Variants in TCEA1 observed in about 807,000 individuals in gnomAD.
The protein encoded by TCEA1 is transcription elongation factor A1.
Under a neutral mutation model 43.8 loss-of-function variants are expected in TCEA1, and 21 were observed. That is an observed-to-expected ratio of 0.48 (90% CI 0.34 to 0.69). TCEA1 has a LOEUF of 0.69. Ranked by LOEUF, TCEA1 falls within the 30% of genes least tolerant of loss-of-function variation. The probability of loss-of-function intolerance (pLI) is 0.01; values close to 1 mark genes in which losing one functional copy is unlikely to be tolerated. For missense variants in TCEA1, 250 were observed against 365.1 expected (o/e 0.68, Z 2.57); for synonymous variants, 104 against 117.5 (o/e 0.88, Z 0.75).
rs1336073776 is a variant in TCEA1, at chr8:53,967,659, C to A, written c.*445G>T. 4.9e-6 allele frequency: 1 copy of A among 205,674 alleles called. No homozygotes were observed. The highest frequency in any genetic ancestry group is 5.9e-5 in the Admixed American group (1 of 16,844). The allele number at this position is 205,674 out of a possible 1,614,324, so 12.7% of individuals were successfully genotyped here. On this transcript the variant is annotated 3_prime_UTR_variant, in exon 10 of 10. Transcript: ENST00000521604. ...TTGAATACACACCATATTTGGTAAACCTAAAATTATATTACCTTTTCTCCT... is the reference window on the plus strand; with the variant it reads ...TTGAATACACACCATATTTGGTAAAACTAAAATTATATTACCTTTTCTCCT...
intron 1 of TCEA1, among the ~76,000 whole-genome samples, chr8:54,014,317 T>C (rs752458714): frequency 5.9e-5 from 9 of 152,044 alleles, no homozygotes; most frequent in Non-Finnish European, 1.3e-4. Context: ...TAGCTCTAAA[T>C]GTCAAGCCTA....
intron 2 of TCEA1, among the ~76,000 whole-genome samples, chr8:54,007,894 T>G (rs998914162): frequency 1.4e-4 from 21 of 152,312 alleles, no homozygotes; most frequent in African/African-American, 4.1e-4. Flanking sequence ...TATTTCATTC[T>G]TGATGGAACA....
At chr8:54,007,647 TGAAA>T (rs910457703) in intron 2 of TCEA1, among the ~76,000 whole-genome samples, 67 of 152,368 alleles carry the variant, frequency 4.4e-4, no homozygotes, top group Admixed American at 4.3e-3. Context: ...TTTTCACAAC[TGAAA>T]GAAATATTCA....
chr8:53,991,822 T>C (rs536560637), intron 4 of TCEA1, among the ~76,000 whole-genome samples: 2 of 151,556 alleles, frequency 1.3e-5, no homozygotes, highest in South Asian at 4.1e-4. Flanking sequence ...TATTAACAAC[T>C]GCTGTTTAAG....
At chr8:53,976,604 T>C (rs1476281665) in intron 8 of TCEA1, among the ~76,000 whole-genome samples, 1 of 152,224 alleles carries the variant, frequency 6.6e-6, no homozygotes, top group Non-Finnish European at 1.5e-5. Context: ...AAACTTGGTA[T>C]TTATGTTTTT....
At chr8:53,984,805 C>T (rs1803636730) in intron 6 of TCEA1, among the ~76,000 whole-genome samples, 1 of 151,990 alleles carries the variant, frequency 6.6e-6, no homozygotes, top group Admixed American at 6.6e-5. Flanking sequence ...ACCACTTGAC[C>T]TGGGAGGCAG....
At chr8:54,011,134 AG>A in intron 1 of TCEA1, among the ~76,000 whole-genome samples, 1 of 152,210 alleles carries the variant, frequency 6.6e-6, no homozygotes, top group East Asian at 1.9e-4. Flanking sequence ...GCTTATTGAA[AG>A]AATTATTTTA....
intron 4 of TCEA1, among the ~76,000 whole-genome samples, chr8:53,989,574 A>C (rs1207683174): frequency 1.3e-5 from 2 of 152,156 alleles, no homozygotes; most frequent in African/African-American, 4.8e-5. Flanking sequence ...TGTATTCCCA[A>C]AATATTGATT....
At chr8:54,004,837 G>A (rs567462784) in intron 2 of TCEA1, among the ~76,000 whole-genome samples, 1 of 151,104 alleles carries the variant, frequency 6.6e-6, no homozygotes, top group African/African-American at 2.4e-5. Flanking sequence ...TAAGTTCCAA[G>A]ACAGCAGGGA....
chr8:53,968,188 A>C, intron 9 of TCEA1, 76 bp from the exon 10 acceptor site: 1 of 1,110,992 alleles, frequency 9.0e-7, no homozygotes, highest in Non-Finnish European at 1.3e-6. Context: ...TACAGCATAC[A>C]CCTGATATTG....
At chr8:54,010,743 G>C (rs951136568) in intron 1 of TCEA1, among the ~76,000 whole-genome samples, 1 of 151,734 alleles carries the variant, frequency 6.6e-6, no homozygotes, top group Non-Finnish European at 1.5e-5. Flanking sequence ...TACTATATCT[G>C]GATAAATCAT....
At chr8:53,977,303 G>T (rs1054670088) in intron 8 of TCEA1, among the ~76,000 whole-genome samples, 5 of 152,196 alleles carry the variant, frequency 3.3e-5, no homozygotes, top group African/African-American at 1.2e-4. Flanking sequence ...CTGGGCAATA[G>T]AGTGAGACTC....
chr8:54,010,516 T>C (rs1804618160), intron 1 of TCEA1, 24 bp from the exon 2 acceptor site: 6 of 1,551,986 alleles, frequency 3.9e-6, no homozygotes, highest in African/African-American at 2.8e-5. Flanking sequence ...TAATTTCATA[T>C]TGAATTCCCA....
chr8:54,007,652 G>T (rs979690602), intron 2 of TCEA1, among the ~76,000 whole-genome samples: 1 of 152,010 alleles, frequency 6.6e-6, no homozygotes, highest in Non-Finnish European at 1.5e-5. Flanking sequence ...ACAACTGAAA[G>T]AAATATTCAA....
At position 54,000,039 on chromosome 8, in the gene TCEA1, G is replaced by A. The variant is rs1804205964; in HGVS notation, c.138C>T (p.Ile46=). 2.5e-6 allele frequency: 4 copies of A among 1,576,310 alleles called. No individual in the cohort carries two copies. Among genetic ancestry groups the A allele is most frequent in the Non-Finnish European group, 3.4e-6 (4 of 1,160,168 alleles). Residue 46 remains isoleucine (I), a synonymous_variant, in exon 3 of 10, where the codon ATC becomes ATT. Coordinates refer to ENST00000521604, the MANE Select transcript of TCEA1 (RefSeq NM_006756.4). ...TGCGAATAGCATTAACTGACATTCCGATTCTTGTGGACTGCAAGGCAATAA... is the reference window on the plus strand; with the variant it reads ...TGCGAATAGCATTAACTGACATTCCAATTCTTGTGGACTGCAAGGCAATAA... ...MTLELLQSTR[I]GMSVNAIRKQ...
At chr8:54,020,931 T>C (rs903729747) in intron 1 of TCEA1, among the ~76,000 whole-genome samples, 18 of 152,136 alleles carry the variant, frequency 1.2e-4, no homozygotes, top group African/African-American at 3.9e-4. Context: ...CTCACGCCTG[T>C]AATCCCAGCA....
chr8:53,970,145 A>T (rs1360748187), intron 9 of TCEA1: 1 of 489,040 alleles, frequency 2.0e-6, no homozygotes, highest in Admixed American at 3.8e-5. Flanking sequence ...ATAATTGAAC[A>T]GTTAAGATTC....
chr8:53,968,108 C>T lies in TCEA1; in HGVS notation c.902G>A (p.Cys301Tyr), dbSNP rs1803042921. 5.2e-6 allele frequency: 8 copies of T among 1,525,688 alleles called. No individual in the cohort carries two copies. The highest frequency in any genetic ancestry group is 7.1e-6 in the Non-Finnish European group (8 of 1,128,844). The allele number at this position is 1,525,688 out of a possible 1,614,324, so 94.5% of individuals were successfully genotyped here. Residue 301 changes from cysteine to tyrosine, a missense_variant, in exon 10 of 10, where the codon TGT (cysteine) becomes TAT (tyrosine). Physicochemically the swap from Cys to Tyr is radical, Grantham distance 194. Coordinates refer to ENST00000521604, the MANE Select transcript of TCEA1 (RefSeq NM_006756.4). ...CNECGNRWKFC is the reference protein window; with the variant it reads ...CNECGNRWKFY ...TATTTTGCCAATTCTTCCAACTCAACAGAACTGTCAAAAAAGAAAAAATAT... is the reference window on the plus strand; with the variant it reads ...TATTTTGCCAATTCTTCCAACTCAATAGAACTGTCAAAAAAGAAAAAATAT...
chr8:54,008,768 T>C (rs929293090), intron 2 of TCEA1, among the ~76,000 whole-genome samples: 4 of 151,594 alleles, frequency 2.6e-5, no homozygotes, highest in South Asian at 2.1e-4. Flanking sequence ...TCACTAATCA[T>C]TGGAGAAATG....
Sources: allele counts gnomAD v4.1 joint callset (sites outside exome capture counted in the v4.1 genomes callset), GRCh38; gene constraint gnomAD v4.1.1; transcripts MANE v1.5; gene names NCBI Gene and HGNC (gene_info 2026-07-23, HGNC 2026-07-21).